The following BDKRB2 variants were observed in gnomAD, a reference collection of about 807,000 sequenced individuals.
The protein encoded by BDKRB2 is bradykinin receptor B2.
In BDKRB2, 6 loss-of-function variants were observed where a neutral mutation model predicts 4.0. The ratio of observed to expected loss-of-function variants is 1.49; its 90% CI spans 0.81 to 2.93. BDKRB2 has a LOEUF of 2.93. Ranked by LOEUF, BDKRB2 falls within the 30% of genes most tolerant of loss-of-function variation. The pLI is 0.00. For missense variants in BDKRB2, 478 were observed against 520.1 expected, an observed-to-expected ratio of 0.92 and a Z score of 0.79; for synonymous variants, 225 against 215.3, an observed-to-expected ratio of 1.05 and a Z score of -0.40.
intron 1 of BDKRB2, among the ~76,000 whole-genome samples, chr14:96,233,069 C>T (rs1366272829): frequency 6.6e-6 from 1 of 152,198 alleles, no homozygotes; most frequent in Non-Finnish European, 1.5e-5. Flanking sequence ...CTCTATAGCC[C>T]AGGCTGGAGT....
chr14:96,210,477 C>G (rs1433384598), intron 1 of BDKRB2, among the ~76,000 whole-genome samples: 1 of 152,206 alleles, frequency 6.6e-6, no homozygotes, highest in Non-Finnish European at 1.5e-5. Context: ...TCAGCACCAT[C>G]AGCGTGACTC....
intron 2 of BDKRB2, chr14:96,237,687 T>C (rs1341213030): frequency 5.4e-6 from 7 of 1,287,706 alleles, no homozygotes; most frequent in Non-Finnish European, 6.1e-6. Context: ...GGCTGAGGGG[T>C]CCACTCCAAC....
intron 1 of BDKRB2, among the ~76,000 whole-genome samples, chr14:96,214,233 G>A (rs1890366891): frequency 6.6e-6 from 1 of 152,176 alleles, no homozygotes; most frequent in South Asian, 2.1e-4. Context: ...AAGTGGTCTG[G>A]GCCATATCTT....
chr14:96,225,071 T>C (rs1359942806), intron 1 of BDKRB2, among the ~76,000 whole-genome samples: 1 of 152,164 alleles, frequency 6.6e-6, no homozygotes, highest in Non-Finnish European at 1.5e-5. Flanking sequence ...AGAAGAGCCG[T>C]TGGATGCCAA....
Position 96,214,442 on chromosome 14 carries a change from G to A in BDKRB2, c.-40+9483G>A, listed in dbSNP as rs150814524. ...ACTGGATCCTCACAACAGCCCTCCT[G>A]CCGGGGACAATGCTCCTTATCCCAC... On this transcript the variant is annotated intron_variant, in intron 1 of 2. Transcript: ENST00000554311. Among the ~76,000 whole-genome samples, 29 of 152,344 alleles carry A rather than the reference G, an allele frequency of 1.9e-4. 1 individual carries two copies. Among genetic ancestry groups the A allele is most frequent in the South Asian group, 1.0e-3 (5 of 4,830 alleles).
chr14:96,215,333 A>G (rs1441465442), intron 1 of BDKRB2, among the ~76,000 whole-genome samples: 1 of 152,170 alleles, frequency 6.6e-6, no homozygotes, highest in African/African-American at 2.4e-5. Context: ...TGTTGAATGG[A>G]TATAAGATCA....
intron 2 of BDKRB2, chr14:96,238,177 G>A (rs982199936): frequency 1.6e-5 from 14 of 869,692 alleles, no homozygotes; most frequent in Non-Finnish European, 1.9e-5. Context: ...AGGAAACCAG[G>A]AGCCACCAAA....
chr14:96,214,061 G>C (rs955381488), intron 1 of BDKRB2, among the ~76,000 whole-genome samples: 4 of 152,126 alleles, frequency 2.6e-5, no homozygotes, highest in African/African-American at 9.7e-5. Flanking sequence ...TGAGTCCCTT[G>C]CCTGGGCCTC....
chr14:96,208,682 G>A (rs1890241256), intron 1 of BDKRB2, among the ~76,000 whole-genome samples: 1 of 152,176 alleles, frequency 6.6e-6, no homozygotes, highest in Non-Finnish European at 1.5e-5. Context: ...GCTTAAGGGT[G>A]TCCAGAAAAA....
At chr14:96,219,521 A>T (rs1890506676) in intron 1 of BDKRB2, among the ~76,000 whole-genome samples, 1 of 151,718 alleles carries the variant, frequency 6.6e-6, no homozygotes, top group Non-Finnish European at 1.5e-5. Context: ...AGACAGAGGC[A>T]ATGGTGTGCT....
intron 1 of BDKRB2, among the ~76,000 whole-genome samples, chr14:96,205,491 T>C (rs998628071): frequency 1.6e-5 from 1 of 61,848 alleles, no homozygotes; most frequent in African/African-American, 6.2e-5. Context: ...CAGGCGGGGG[T>C]GGGGGGGTTT....
At chr14:96,214,217 C>G (rs1053930184) in intron 1 of BDKRB2, among the ~76,000 whole-genome samples, 1 of 152,228 alleles carries the variant, frequency 6.6e-6, no homozygotes, top group Non-Finnish European at 1.5e-5. Flanking sequence ...CAGGGACTTT[C>G]CCTGCAAGTG....
chr14:96,208,454 G>T (rs1426081087), intron 1 of BDKRB2, among the ~76,000 whole-genome samples: 1 of 152,204 alleles, frequency 6.6e-6, no homozygotes, highest in Non-Finnish European at 1.5e-5. Flanking sequence ...GGCCAGGAAA[G>T]TTATCTGAGC....
chr14:96,242,722 G>C lies in BDKRB2; in HGVS notation c.*1218G>C, dbSNP rs1885326390. 2.0e-5 allele frequency: 3 copies of C among 152,362 alleles called. No individual in the cohort carries two copies. Among genetic ancestry groups the C allele is most frequent in the African/African-American group, 7.2e-5 (3 of 41,468 alleles). The allele number at this position is 152,362 out of a possible 1,614,324, so 9.4% of individuals were successfully genotyped here. A position where few individuals can be genotyped will look rare whatever the true frequency, so the allele number is the denominator to read the frequency against. On this transcript the variant is annotated 3_prime_UTR_variant, in exon 3 of 3. Coordinates refer to ENST00000554311, the MANE Select transcript of BDKRB2 (RefSeq NM_001379692.1). ...AGATATTTCTAATCGGTCTTGCCCA[G>C]AGGATCACAGTGCTGAGACCCCCCA...
At chr14:96,227,717 A>T (rs976191109) in intron 1 of BDKRB2, among the ~76,000 whole-genome samples, 1 of 152,224 alleles carries the variant, frequency 6.6e-6, no homozygotes, top group African/African-American at 2.4e-5. Context: ...ACAAATGCAC[A>T]CACATGCGTG....
chr14:96,223,462 T>C, intron 1 of BDKRB2: 1 of 659,194 alleles, frequency 1.5e-6, no homozygotes. Flanking sequence ...ATTTAAAAGA[T>C]GTTCAATACA....
intron 2 of BDKRB2, chr14:96,238,024 G>C (rs871547): frequency 0.29 from 338,224 of 1,156,188 alleles, 51,910 homozygotes; most frequent in Non-Finnish European, 0.31. Context: ...TGGACCAAGG[G>C]GACTACCCAG....
Position 96,213,457 on chromosome 14 carries a change from A to C in BDKRB2, c.-40+8498A>C, listed in dbSNP as rs567000169. Among the ~76,000 whole-genome samples the C allele has an allele frequency of 1.4e-4, 20 of 147,042 alleles. No homozygotes were observed. In the South Asian group the frequency reaches 2.4e-3, roughly 17 times the overall value. ...TCAGGAGCCATGTGGCAGGATCTCC[A>C]CTCTTCTTCTTCCTGGGCCTCTGTC... On this transcript the variant is annotated intron_variant, in intron 1 of 2. Coordinates refer to ENST00000554311, the MANE Select transcript of BDKRB2 (RefSeq NM_001379692.1).
chr14:96,237,262 T>C, intron 2 of BDKRB2, 81 bp downstream of exon 2: 2 of 1,309,948 alleles, frequency 1.5e-6, no homozygotes, highest in South Asian at 1.2e-5. Flanking sequence ...AGCTCAACTC[T>C]CATGCCCCGG....
Sources: allele counts gnomAD v4.1 joint callset (sites outside exome capture counted in the v4.1 genomes callset), GRCh38; gene constraint gnomAD v4.1.1; transcripts MANE v1.5; gene names NCBI Gene and HGNC (gene_info 2026-07-23, HGNC 2026-07-21).